Variants in OXCT1 observed in about 807,000 individuals in gnomAD.
The protein encoded by OXCT1 is 3-oxoacid CoA-transferase 1.
In OXCT1, 27 loss-of-function variants were observed where a neutral mutation model predicts 69.6. That is an observed-to-expected ratio of 0.39 (90% CI 0.29 to 0.54). The LOEUF is 0.54. Among genes scored for constraint, OXCT1 ranks in the 20% least tolerant of loss-of-function variants. OXCT1 has a pLI of 0.72. For missense variants in OXCT1, 437 were observed against 650.2 expected, an observed-to-expected ratio of 0.67 and a Z score of 3.57; for synonymous variants, 202 against 217.8, an observed-to-expected ratio of 0.93 and a Z score of 0.64.
chr5:41,857,282 G>A lies in OXCT1; in HGVS notation c.279-3728C>T, dbSNP rs114002428. On this transcript the variant is annotated intron_variant, in intron 3 of 16. Coordinates refer to ENST00000196371, the MANE Select transcript of OXCT1 (RefSeq NM_000436.4). The stretch of plus-strand genomic sequence containing the variant: ...CTGCTCTTGCTCACACCCTTGTGAT[G>A]GTACTTTCATTCAGAGTAAAATTAA... Among the ~76,000 whole-genome samples, 522 of 152,274 alleles carry A rather than the reference G, an allele frequency of 3.4e-3. 1 individual carries two copies. Among genetic ancestry groups the A allele is most frequent in the African/African-American group, 0.012 (494 of 41,556 alleles).
chr5:41,846,119 T>C (rs910101058), intron 5 of OXCT1, among the ~76,000 whole-genome samples: 3 of 151,610 alleles, frequency 2.0e-5, no homozygotes, highest in African/African-American at 7.3e-5. Flanking sequence ...TATGTATGTA[T>C]GTATGTATTT....
At chr5:41,823,825 AC>A (rs753793505) in intron 7 of OXCT1, among the ~76,000 whole-genome samples, 4 of 152,200 alleles carry the variant, frequency 2.6e-5, no homozygotes, top group Non-Finnish European at 4.4e-5. Flanking sequence ...GGGGAAAAAA[AC>A]ATTCTGTCTT....
chr5:41,786,748 T>C (rs1345232422), intron 13 of OXCT1, among the ~76,000 whole-genome samples: 1 of 152,158 alleles, frequency 6.6e-6, no homozygotes, highest in Non-Finnish European at 1.5e-5. Context: ...TATCCCACAT[T>C]TAGAGCTTGT....
intron 15 of OXCT1, among the ~76,000 whole-genome samples, chr5:41,744,873 C>T (rs570677336): frequency 5.5e-4 from 83 of 152,262 alleles, no homozygotes; most frequent in Non-Finnish European, 9.6e-4. Context: ...GAAGAGCTAA[C>T]TATCCTAAAT....
intron 13 of OXCT1, among the ~76,000 whole-genome samples, chr5:41,768,057 T>A (rs1744703249): frequency 6.6e-6 from 1 of 152,092 alleles, no homozygotes; most frequent in South Asian, 2.1e-4. Context: ...CTAAGGTCTT[T>A]GCTGCAAGTT....
intron 13 of OXCT1, among the ~76,000 whole-genome samples, chr5:41,766,831 A>G (rs1356162556): frequency 6.6e-6 from 1 of 152,176 alleles, no homozygotes; most frequent in Non-Finnish European, 1.5e-5. Context: ...AATATATAGA[A>G]ACAATTTTAA....
chr5:41,812,709 T>A (rs1201954035), intron 7 of OXCT1, among the ~76,000 whole-genome samples: 1 of 151,976 alleles, frequency 6.6e-6, no homozygotes, highest in South Asian at 2.1e-4. Context: ...CAGTTCAATT[T>A]TATTTTTTTT....
At position 41,842,743 on chromosome 5, in the gene OXCT1, T is replaced by C. The variant is rs1291696635; in HGVS notation, c.603A>G (p.Glu201=). The C allele has an allele frequency of 1.1e-5, 17 of 1,613,728 alleles. No individual in the cohort carries two copies. Among genetic ancestry groups the C allele is most frequent in the Non-Finnish European group, 1.4e-5 (16 of 1,179,752 alleles). The change falls in exon 6 of 17, where the codon GAA becomes GAG. Residue 201 remains glutamate, a synonymous_variant. Coordinates refer to ENST00000196371, the MANE Select transcript of OXCT1 (RefSeq NM_000436.4). The stretch of plus-strand genomic sequence containing the variant: ...CCAAAGCAAAATCCCCTGTAATTGC[T>C]TCCTCCAAAATAAAGTGCTGACCAT... ...EFNGQHFILE[E]AITGDFALVK... is the part of the protein sequence containing the mutation.
At position 41,846,593 on chromosome 5, in the gene OXCT1, C is replaced by T. The variant is rs574095141; in HGVS notation, c.564+3437G>A. ...TGTGAATAATGCTGCAATAAACATA[C>T]GTGTGCATGTGTCTTTAAAGCAGCA... On this transcript the variant is annotated intron_variant, in intron 5 of 16. Coordinates refer to ENST00000196371, the MANE Select transcript of OXCT1 (RefSeq NM_000436.4). Among the ~76,000 whole-genome samples the T allele has an allele frequency of 2.3e-4, 35 of 151,960 alleles. No homozygotes were observed. The East Asian group carries it at 5.6e-3, about 24-fold the overall frequency.
intron 13 of OXCT1, among the ~76,000 whole-genome samples, chr5:41,791,181 T>C (rs181733110): frequency 5.4e-4 from 82 of 152,242 alleles, no homozygotes; most frequent in African/African-American, 2.0e-3. Flanking sequence ...ATATACATGG[T>C]GCATCACATA....
intron 7 of OXCT1, among the ~76,000 whole-genome samples, chr5:41,836,299 G>A (rs993496023): frequency 2.0e-5 from 3 of 152,206 alleles, no homozygotes; most frequent in Non-Finnish European, 4.4e-5. Context: ...GCGCCCATGT[G>A]CACTATTTTT....
Position 41,866,008 on chromosome 5 carries a change from T to C in OXCT1, c.79-3258A>G, listed in dbSNP as rs570560211. Among the ~76,000 whole-genome samples, 100 of 144,984 alleles carry C rather than the reference T, an allele frequency of 6.9e-4. 1 individual carries two copies. The highest frequency in any genetic ancestry group is 2.6e-3 in the African/African-American group (98 of 37,694). On this transcript the variant is annotated intron_variant, in intron 1 of 16. Transcript: ENST00000196371. ...ATATTTATGGCATACATGGTGTTTT[T>C]ATATGTACAGTAGACCCCCCCCCCC...
intron 13 of OXCT1, among the ~76,000 whole-genome samples, chr5:41,772,186 T>A (rs1744899667): frequency 6.6e-6 from 1 of 152,188 alleles, no homozygotes; most frequent in Non-Finnish European, 1.5e-5. Context: ...ATTTTCTGAT[T>A]CCTCAAAGAG....
chr5:41,834,048 T>G (rs544199601), intron 7 of OXCT1, among the ~76,000 whole-genome samples: 2 of 152,224 alleles, frequency 1.3e-5, no homozygotes, highest in African/African-American at 4.8e-5. Flanking sequence ...GTTTTCTTTT[T>G]GCTTATTTGT....
In OXCT1 at chr5:41,762,330, G is replaced by A; in HGVS notation, c.1249-130C>T. The A allele has an allele frequency of 6.4e-6, 5 of 781,372 alleles. No homozygotes were observed. Among genetic ancestry groups the A allele is most frequent in the Non-Finnish European group, 6.9e-6 (3 of 432,848 alleles). The allele number at this position is 781,372 out of a possible 1,614,324, so 48.4% of individuals were successfully genotyped here. ...TGTCCTTCATTGCTTAGTGCTTGAAGTTCTATAACCTAATATTCTGTCACT... is the reference window on the plus strand; with the variant it reads ...TGTCCTTCATTGCTTAGTGCTTGAAATTCTATAACCTAATATTCTGTCACT... On this transcript the variant is annotated intron_variant, in intron 13 of 16. Transcript: ENST00000196371. This position sits in a 1 kb window ranked among gnomAD's most constrained non-coding sequence, Gnocchi z 4.0.
intron 7 of OXCT1, among the ~76,000 whole-genome samples, chr5:41,811,029 C>A (rs1746957509): frequency 7.1e-6 from 1 of 140,266 alleles, no homozygotes; most frequent in African/African-American, 2.7e-5. Flanking sequence ...AAAAAACAGA[C>A]AACAAGCAAT....
intron 13 of OXCT1, among the ~76,000 whole-genome samples, chr5:41,793,642 C>T (rs767641639): frequency 4.1e-4 from 62 of 152,168 alleles, no homozygotes; most frequent in Admixed American, 1.0e-3. Context: ...TAATTAACAA[C>T]GCTAACAAAC....
At chr5:41,794,302 G>T (rs1034751938) in intron 12 of OXCT1, 5 of 609,934 alleles carry the variant, frequency 8.2e-6, no homozygotes, top group Non-Finnish European at 1.5e-5. Flanking sequence ...AACAAACTAT[G>T]AACAGGTGTA....
chr5:41,811,955 C>T (rs1288582814), intron 7 of OXCT1, among the ~76,000 whole-genome samples: 1 of 151,902 alleles, frequency 6.6e-6, no homozygotes, highest in African/African-American at 2.4e-5. Context: ...TCATATAATG[C>T]CCAAAGATAT....
Sources: gnomAD v4.1 joint callset for allele counts (sites outside exome capture counted in the v4.1 genomes callset) on GRCh38, gnomAD v4.1.1 for gene constraint, Gnocchi (gnomAD v3.1) non-coding constraint, MANE v1.5 for transcripts, NCBI Gene and HGNC (gene_info 2026-07-23, HGNC 2026-07-21) for gene names.